EPHA5: variants seen among roughly 807,000 people sequenced by gnomAD.
EPHA5 encodes EPH receptor A5, also known as ephrin type-A receptor 5.
In EPHA5, 60 loss-of-function variants were observed where a neutral mutation model predicts 105.0. The observed-to-expected ratio is 0.57, with a 90% CI of 0.46 to 0.71. EPHA5 has a LOEUF of 0.71. Ranked by LOEUF, EPHA5 falls within the 30% of genes least tolerant of loss-of-function variation. The pLI, the probability that EPHA5 is intolerant of heterozygous loss-of-function variation, is 0.00. For synonymous variants in EPHA5, 513 were observed against 449.1 expected, an observed-to-expected ratio of 1.14 and a Z score of -1.80; for missense variants, 1,218 against 1,274.7, an observed-to-expected ratio of 0.96 and a Z score of 0.68.
intron 3 of EPHA5, among the ~76,000 whole-genome samples, chr4:65,593,329 T>A (rs1159791163): frequency 2.6e-5 from 4 of 152,162 alleles, no homozygotes; most frequent in Admixed American, 2.6e-4. Flanking sequence ...TTTACATACA[T>A]ACAAGGGATT....
At chr4:65,337,521 G>C (rs1721298793) in intron 14 of EPHA5, among the ~76,000 whole-genome samples, 1 of 151,948 alleles carries the variant, frequency 6.6e-6, no homozygotes, top group Admixed American at 6.6e-5. Flanking sequence ...CCAGTGCAGG[G>C]GCAGATGGAA....
At chr4:65,422,111 G>A (rs910251828) in intron 5 of EPHA5, among the ~76,000 whole-genome samples, 2 of 152,006 alleles carry the variant, frequency 1.3e-5, no homozygotes, top group East Asian at 1.9e-4. Flanking sequence ...GTTAACAAAC[G>A]CCAGTGTTTT....
intron 8 of EPHA5, among the ~76,000 whole-genome samples, chr4:65,393,027 G>C (rs992829946): frequency 6.6e-6 from 1 of 152,142 alleles, no homozygotes; most frequent in Non-Finnish European, 1.5e-5. Context: ...TTGTTCAAAG[G>C]AGAGAATACT....
intron 5 of EPHA5, among the ~76,000 whole-genome samples, chr4:65,439,323 A>G (rs1297579489): frequency 6.6e-6 from 1 of 152,142 alleles, no homozygotes; most frequent in Admixed American, 6.6e-5. Context: ...TTTACTGTAC[A>G]AGTTAGGTTA....
chr4:65,463,038 C>T (rs1456555160), intron 5 of EPHA5, among the ~76,000 whole-genome samples: 1 of 152,122 alleles, frequency 6.6e-6, no homozygotes, highest in Non-Finnish European at 1.5e-5. Flanking sequence ...TCTATAAATT[C>T]TGTTTAAAGT....
chr4:65,373,376 T>C (rs1031488893), intron 8 of EPHA5, among the ~76,000 whole-genome samples: 13 of 152,036 alleles, frequency 8.6e-5, no homozygotes, highest in African/African-American at 3.1e-4. Flanking sequence ...TATGCCACTT[T>C]CGTGCTGTAT....
At chr4:65,453,156 A>T (rs912072111) in intron 5 of EPHA5, among the ~76,000 whole-genome samples, 1 of 152,206 alleles carries the variant, frequency 6.6e-6, no homozygotes, top group Non-Finnish European at 1.5e-5. Flanking sequence ...ACACATAAAA[A>T]GTTATACCTA....
At chr4:65,498,251 C>T (rs1390594525) in intron 3 of EPHA5, among the ~76,000 whole-genome samples, 1 of 151,810 alleles carries the variant, frequency 6.6e-6, no homozygotes, top group South Asian at 2.1e-4. Flanking sequence ...GGACAGAGGG[C>T]ACCAGGCCAC....
At chr4:65,569,390 G>A (rs1363808262) in intron 3 of EPHA5, among the ~76,000 whole-genome samples, 3 of 151,570 alleles carry the variant, frequency 2.0e-5, no homozygotes, top group Non-Finnish European at 4.4e-5. Flanking sequence ...TTGTAAGCTA[G>A]TTAGCACAGT....
At chr4:65,535,234 A>G (rs761142530) in intron 3 of EPHA5, among the ~76,000 whole-genome samples, 11 of 152,278 alleles carry the variant, frequency 7.2e-5, no homozygotes, top group Non-Finnish European at 1.2e-4. Flanking sequence ...TAATGAGACC[A>G]CTGTAATCTT....
At chr4:65,651,982 A>G (rs1200756155) in intron 1 of EPHA5, among the ~76,000 whole-genome samples, 1 of 152,184 alleles carries the variant, frequency 6.6e-6, no homozygotes, top group Non-Finnish European at 1.5e-5. Context: ...GCATGAAAAG[A>G]GCAACACCAT....
chr4:65,601,586 A>G, intron 3 of EPHA5, 55 bp downstream of exon 3: 4 of 1,511,410 alleles, frequency 2.6e-6, no homozygotes, highest in Non-Finnish European at 3.6e-6. Context: ...GGAAATACAT[A>G]TACATGATCC....
chr4:65,500,392 A>G (rs1308612482), intron 3 of EPHA5, among the ~76,000 whole-genome samples: 1 of 151,312 alleles, frequency 6.6e-6, no homozygotes, highest in Non-Finnish European at 1.5e-5. Flanking sequence ...CTCGTTTTTT[A>G]AATGCAACCA....
rs192533288 is a variant in EPHA5 at position 65,575,842 on chromosome 4, T to C, written c.910+25799A>G. Among the ~76,000 whole-genome samples the C allele has an allele frequency of 2.0e-5, 3 of 151,498 alleles. No individual in the cohort carries two copies. In the East Asian group the frequency reaches 5.8e-4, roughly 30 times the overall value. ...AAATACAAAAATTAGGCAGGCGTAG[T>C]GATGGGCGCCTGTAATCCCAGCTAC... On this transcript the variant is annotated intron_variant, in intron 3 of 16. Coordinates refer to ENST00000613740, the MANE Select transcript of EPHA5 (RefSeq NM_001281766.3).
At chr4:65,370,363 TTAA>T (rs1321613020) in intron 8 of EPHA5, among the ~76,000 whole-genome samples, 1 of 152,156 alleles carries the variant, frequency 6.6e-6, no homozygotes, top group African/African-American at 2.4e-5. Context: ...AGAACAGTTA[TTAA>T]TGTTTCTCTT....
intron 8 of EPHA5, among the ~76,000 whole-genome samples, chr4:65,401,422 A>T (rs1225092529): frequency 2.6e-5 from 4 of 152,126 alleles, no homozygotes; most frequent in Non-Finnish European, 4.4e-5. Flanking sequence ...AATATAAAGT[A>T]GTTTGTCCAT....
intron 3 of EPHA5, among the ~76,000 whole-genome samples, chr4:65,538,374 G>A (rs1736496099): frequency 6.6e-6 from 1 of 151,666 alleles, no homozygotes; most frequent in African/African-American, 2.4e-5. Flanking sequence ...TGTTATGGAT[G>A]CACATTTAAT....
chr4:65,468,679 CAT>C (rs1263283982), intron 5 of EPHA5, among the ~76,000 whole-genome samples: 142 of 1,076 alleles, frequency 0.13, no homozygotes, highest in African/African-American at 0.16. Context: ...AACATATATA[CAT>C]ATATATATAA....
intron 1 of EPHA5, chr4:65,669,347 C>T (rs1338022259): frequency 6.8e-5 from 66 of 967,918 alleles, no homozygotes; most frequent in Non-Finnish European, 8.0e-5. Context: ...ACGCATGTTC[C>T]TTGCCCAGCA....
Sources: gnomAD v4.1 joint callset for allele counts (sites outside exome capture counted in the v4.1 genomes callset) on GRCh38, gnomAD v4.1.1 for gene constraint, MANE v1.5 for transcripts, NCBI Gene and HGNC (gene_info 2026-07-23, HGNC 2026-07-21) for gene names.